The following NDRG3 variants were observed in gnomAD, a reference collection of about 807,000 sequenced individuals.
NDRG3 encodes the protein protein NDRG3.
In NDRG3, 23 loss-of-function variants were observed where a neutral mutation model predicts 57.2. The observed-to-expected ratio is 0.40, with a 90% CI of 0.29 to 0.57. The LOEUF (loss-of-function observed/expected upper bound fraction) is 0.57. Ranked by LOEUF, NDRG3 falls within the 20% of genes least tolerant of loss-of-function variation. The probability of loss-of-function intolerance (pLI) is 0.42; values close to 1 mark genes in which losing one functional copy is unlikely to be tolerated. For synonymous variants in NDRG3, 132 were observed against 162.6 expected, an observed-to-expected ratio of 0.81 and a Z score of 1.43; for missense variants, 384 against 457.3, an observed-to-expected ratio of 0.84 and a Z score of 1.46.
chr20:36,657,304 A>G lies in NDRG3; in HGVS notation c.859-772T>C, dbSNP rs577542683. 2.0e-5 allele frequency among the ~76,000 whole-genome samples: 3 copies of G among 152,244 alleles called. No homozygotes were observed. In the South Asian group the frequency reaches 6.2e-4, roughly 32 times the overall value. On this transcript the variant is annotated intron_variant, in intron 13 of 15. Transcript: ENST00000349004. Reference sequence around the variant, plus strand: ...GGAGTTCCAGACCAGCCTGGTCAGCATGGTGAAACTCCATCTCTACTAAAA... The same window carrying G: ...GGAGTTCCAGACCAGCCTGGTCAGCGTGGTGAAACTCCATCTCTACTAAAA...
intron 3 of NDRG3, among the ~76,000 whole-genome samples, chr20:36,693,367 C>T (rs931366052): frequency 1.3e-5 from 2 of 150,876 alleles, no homozygotes; most frequent in Non-Finnish European, 2.9e-5. Context: ...AGTCAAAAAT[C>T]CACATATAAC....
chr20:36,695,470 G>C (rs1982696181), intron 3 of NDRG3, among the ~76,000 whole-genome samples: 1 of 152,178 alleles, frequency 6.6e-6, no homozygotes, highest in Non-Finnish European at 1.5e-5. Context: ...TCTTTCCCCA[G>C]TAAGGAATAT....
At chr20:36,687,755 G>T in intron 4 of NDRG3, 143 bp from the exon 5 acceptor site, 1 of 890,788 alleles carries the variant, frequency 1.1e-6, no homozygotes, top group Non-Finnish European at 1.6e-6. Flanking sequence ...CAATCTGTCT[G>T]ATTCAAGCTG....
At chr20:36,728,776 A>G (rs1265373434) in intron 1 of NDRG3, among the ~76,000 whole-genome samples, 2 of 151,890 alleles carry the variant, frequency 1.3e-5, no homozygotes, top group African/African-American at 4.8e-5. Context: ...CCCAGGCTGG[A>G]GTGCAGTGGC....
At chr20:36,676,849 A>C (rs574156937) in intron 8 of NDRG3, among the ~76,000 whole-genome samples, 1 of 152,352 alleles carries the variant, frequency 6.6e-6, no homozygotes, top group South Asian at 2.1e-4. Context: ...GGGGCTGCAC[A>C]CGCCATGGAG....
rs1435841447 is a variant in NDRG3 at position 36,684,481 on chromosome 20, A to G, written c.321-6T>C. 3 of 1,612,428 alleles carry G rather than the reference A, an allele frequency of 1.9e-6. No homozygotes were observed. Among genetic ancestry groups the G allele is most frequent in the Non-Finnish European group, 8.5e-7 (1 of 1,178,490 alleles). On this transcript the variant is annotated splice_polypyrimidine_tract_variant and splice_region_variant and intron_variant, in intron 5 of 15. Coordinates refer to ENST00000349004, the MANE Select transcript of NDRG3 (RefSeq NM_032013.4). ...CCATTGTGGGGTACTGATACCTGCA[A>G]TCCAGAAGGATATCTCCTGAATTAG... is the stretch of plus-strand genomic sequence containing the variant.
At chr20:36,686,831 T>G (rs1981824556) in intron 5 of NDRG3, among the ~76,000 whole-genome samples, 1 of 152,174 alleles carries the variant, frequency 6.6e-6, no homozygotes, top group South Asian at 2.1e-4. Context: ...AATTTGGGCC[T>G]AAGTAGTTGG....
intron 2 of NDRG3, among the ~76,000 whole-genome samples, chr20:36,712,101 T>G (rs1002230004): frequency 6.6e-6 from 1 of 152,002 alleles, no homozygotes; most frequent in Non-Finnish European, 1.5e-5. Context: ...TTTTTGTTTT[T>G]TTTGTTGTTG....
intron 8 of NDRG3, among the ~76,000 whole-genome samples, chr20:36,677,301 G>A (rs143010230): frequency 5.9e-5 from 9 of 152,340 alleles, no homozygotes; most frequent in Admixed American, 1.3e-4. Context: ...TGGGCAGAAG[G>A]GGGCAGGGTT....
chr20:36,656,920 T>C (rs1978727322), intron 13 of NDRG3, among the ~76,000 whole-genome samples: 1 of 152,186 alleles, frequency 6.6e-6, no homozygotes, highest in African/African-American at 2.4e-5. Context: ...CTACATTATC[T>C]TTCCTCCGTG....
chr20:36,712,962 C>T (rs146287791), intron 2 of NDRG3, among the ~76,000 whole-genome samples: 3 of 152,130 alleles, frequency 2.0e-5, no homozygotes, highest in East Asian at 1.9e-4. Flanking sequence ...GTGGCATGAT[C>T]ATAGCTCAGT....
intron 1 of NDRG3, among the ~76,000 whole-genome samples, chr20:36,726,729 CAT>C (rs981094396): frequency 5.1e-4 from 78 of 152,134 alleles, no homozygotes; most frequent in African/African-American, 1.8e-3. Context: ...GTTTCCTAGT[CAT>C]ATGAGTAGGA....
intron 3 of NDRG3, among the ~76,000 whole-genome samples, chr20:36,695,763 GCCTTGTGACCTTGCCCTAC>G (rs1247361128): frequency 2.0e-5 from 3 of 152,114 alleles, no homozygotes; most frequent in Non-Finnish European, 4.4e-5. Context: ...TTTCGCCCTG[GCCTTGTGACCTTGCCCTAC>G]CCTTGTGACC....
chr20:36,708,501 AAT>A (rs1489437626), intron 2 of NDRG3, among the ~76,000 whole-genome samples: 36 of 151,614 alleles, frequency 2.4e-4, no homozygotes, highest in Non-Finnish European at 4.9e-4. Flanking sequence ...AAACTACAAA[AAT>A]TAGCCGGGCA....
chr20:36,734,222 G>A (rs1463609816), intron 1 of NDRG3, among the ~76,000 whole-genome samples: 2 of 151,110 alleles, frequency 1.3e-5, no homozygotes, highest in Non-Finnish European at 1.5e-5. Flanking sequence ...AAAAAAAAGA[G>A]GTGACATGGA....
intron 5 of NDRG3, among the ~76,000 whole-genome samples, chr20:36,685,493 T>C (rs1981703852): frequency 6.6e-6 from 1 of 152,070 alleles, no homozygotes; most frequent in African/African-American, 2.4e-5. Flanking sequence ...CAATTTTTTG[T>C]AGAGATGGAG....
chr20:36,662,279 G>T (rs193234642), intron 12 of NDRG3, among the ~76,000 whole-genome samples: 51 of 151,286 alleles, frequency 3.4e-4, no homozygotes, highest in Admixed American at 2.6e-3. Flanking sequence ...CCAGGCTGGG[G>T]TGCAGTGGCA....
intron 1 of NDRG3, among the ~76,000 whole-genome samples, chr20:36,726,914 C>CTTT (rs34520989): frequency 7.2e-5 from 9 of 125,430 alleles, no homozygotes; most frequent in Admixed American, 1.5e-4. Flanking sequence ...ATCTTTCTTT[C>CTTT]TTTTTTTTTT....
intron 5 of NDRG3, among the ~76,000 whole-genome samples, chr20:36,685,520 G>A (rs1164589187): frequency 6.6e-6 from 1 of 152,018 alleles, no homozygotes; most frequent in African/African-American, 2.4e-5. Flanking sequence ...TATGTTGCCA[G>A]GGCTGGTCTT....
Sources: allele counts gnomAD v4.1 joint callset (sites outside exome capture counted in the v4.1 genomes callset), GRCh38; gene constraint gnomAD v4.1.1; transcripts MANE v1.5; gene names NCBI Gene and HGNC (gene_info 2026-07-23, HGNC 2026-07-21).